TNS3: variants seen among roughly 807,000 people sequenced by gnomAD.
TNS3 encodes the protein tensin 3, also known as tensin-3.
In TNS3, 45 loss-of-function variants were observed where a neutral mutation model predicts 140.9. That is an observed-to-expected ratio of 0.32 (90% CI 0.25 to 0.41). The LOEUF (loss-of-function observed/expected upper bound fraction) is 0.41, where lower values mean the gene tolerates loss of function less well. Ranked by LOEUF, TNS3 falls within the 10% of genes least tolerant of loss-of-function variation. The probability of loss-of-function intolerance (pLI) is 1.00; values close to 1 mark genes in which losing one functional copy is unlikely to be tolerated. For synonymous variants in TNS3, 815 were observed against 788.4 expected (o/e 1.03, Z -0.56); for missense variants, 1,716 against 1,906.7 (o/e 0.90, Z 1.86).
At chr7:47,298,789 G>A (rs994451304) in intron 23 of TNS3, among the ~76,000 whole-genome samples, 1 of 152,352 alleles carries the variant, frequency 6.6e-6, no homozygotes, top group South Asian at 2.1e-4. Flanking sequence ...AGGATGAAAC[G>A]AATGGTTTCT....
chr7:47,554,280 T>C (rs564777860), intron 1 of TNS3, among the ~76,000 whole-genome samples: 1 of 150,876 alleles, frequency 6.6e-6, no homozygotes, highest in South Asian at 2.1e-4. Flanking sequence ...TAGCCAGGCA[T>C]GGTGGCGGGT....
chr7:47,489,359 T>G (rs1797728368), intron 3 of TNS3, among the ~76,000 whole-genome samples: 1 of 152,238 alleles, frequency 6.6e-6, no homozygotes. Context: ...TCCTTGGTCT[T>G]GGCTTGGTCT....
At chr7:47,521,449 G>A (rs1302275848) in intron 2 of TNS3, among the ~76,000 whole-genome samples, 1 of 152,196 alleles carries the variant, frequency 6.6e-6, no homozygotes, top group African/African-American at 2.4e-5. Context: ...GGAGGTGTCT[G>A]CCCTGTGCAC....
chr7:47,476,674 C>G (rs2151765930), intron 4 of TNS3, among the ~76,000 whole-genome samples: 1 of 152,302 alleles, frequency 6.6e-6, no homozygotes, highest in East Asian at 1.9e-4. Context: ...TAGTCTACAC[C>G]CTCCATAATT....
In TNS3 at chr7:47,415,120, C is replaced by T. The variant is rs187456873; in HGVS notation, c.560G>A (p.Gly187Asp). The T allele has an allele frequency of 2.0e-5, 33 of 1,611,630 alleles. No homozygotes were observed. In the East Asian group the frequency reaches 6.5e-4, roughly 32 times the overall value. ...PLFLHFVILH[G>D]TPNFDTGGVC... ...TCCACCTGTGTCGAAGTTGGGGGTG[C>T]CGTGGAGGATGACAAAATGCAGGAA... The change falls in exon 11 of 31, where the codon GGC becomes GAC. Residue 187 changes from glycine to aspartate, a missense_variant. Gly to Asp is a moderately conservative substitution (Grantham distance 94). This residue lies in a region of TNS3 where 337 missense variants were observed against 428.9 expected (regional missense o/e 0.79). Transcript: ENST00000311160.
intron 8 of TNS3, among the ~76,000 whole-genome samples, chr7:47,433,996 C>T (rs949404853): frequency 7.9e-5 from 12 of 152,094 alleles, no homozygotes; most frequent in East Asian, 7.7e-4. Context: ...CAGGTCATCA[C>T]GGACGATTTG....
At chr7:47,476,474 T>G (rs2151765236) in intron 4 of TNS3, among the ~76,000 whole-genome samples, 1 of 152,268 alleles carries the variant, frequency 6.6e-6, no homozygotes, top group South Asian at 2.1e-4. Context: ...TGGTGAAGCA[T>G]TCTCTCTATG....
At chr7:47,304,328 C>T (rs544336952) in intron 21 of TNS3, among the ~76,000 whole-genome samples, 58 of 152,266 alleles carry the variant, frequency 3.8e-4, no homozygotes, top group African/African-American at 1.4e-3. Context: ...AGAGTCTATG[C>T]GTAATGTCCT....
intron 1 of TNS3, among the ~76,000 whole-genome samples, chr7:47,562,447 C>T (rs148185457): frequency 1.1e-4 from 16 of 150,122 alleles, no homozygotes; most frequent in Admixed American, 6.0e-4. Flanking sequence ...AGTGCAATGG[C>T]GCTATCTCGG....
chr7:47,292,697 T>A (rs1785778689), intron 26 of TNS3, 131 bp downstream of exon 26: 3 of 746,218 alleles, frequency 4.0e-6, no homozygotes, highest in Non-Finnish European at 6.4e-6. Flanking sequence ...TTTCTTGGGT[T>A]CAACCAAGAG....
intron 17 of TNS3, among the ~76,000 whole-genome samples, chr7:47,351,744 C>G (rs1378172748): frequency 1.3e-5 from 2 of 152,154 alleles, no homozygotes; most frequent in Non-Finnish European, 2.9e-5. Context: ...CCAAGGAAGG[C>G]CCTAGGGCAC....
intron 16 of TNS3, among the ~76,000 whole-genome samples, chr7:47,381,251 A>G (rs1791740858): frequency 6.6e-6 from 1 of 152,162 alleles, no homozygotes; most frequent in Non-Finnish European, 1.5e-5. Context: ...TTTGCCACAC[A>G]TGCTCCATCT....
At chr7:47,557,226 G>C (rs935466228) in intron 1 of TNS3, 4 of 433,062 alleles carry the variant, frequency 9.2e-6, no homozygotes, top group African/African-American at 4.0e-5. Flanking sequence ...TCCTACGTAA[G>C]GGAGAGGCTG....
chr7:47,530,838 A>AAAAAAATATATATATATATAT, intron 1 of TNS3, among the ~76,000 whole-genome samples: 2 of 54,560 alleles, frequency 3.7e-5, no homozygotes, highest in Non-Finnish European at 6.6e-5. Flanking sequence ...AAAAAAAAAA[A>AAAAAAATATATATATATATAT]ATATATATAT....
At chr7:47,508,761 G>A (rs1022940581) in intron 2 of TNS3, among the ~76,000 whole-genome samples, 9 of 152,210 alleles carry the variant, frequency 5.9e-5, no homozygotes, top group African/African-American at 9.7e-5. Context: ...AAAAGACATC[G>A]TGACTTCTGT....
At chr7:47,329,663 C>G (rs1349287426) in intron 20 of TNS3, among the ~76,000 whole-genome samples, 1 of 152,176 alleles carries the variant, frequency 6.6e-6, no homozygotes, top group African/African-American at 2.4e-5. Context: ...AAATGCCTGA[C>G]CACGGACAGA....
intron 13 of TNS3, among the ~76,000 whole-genome samples, chr7:47,404,429 A>C (rs187702117): frequency 6.6e-6 from 1 of 152,210 alleles, no homozygotes; most frequent in Non-Finnish European, 1.5e-5. Flanking sequence ...TATATTATTT[A>C]AAGGGCATAA....
chr7:47,383,634 C>T (rs918864008), intron 16 of TNS3, among the ~76,000 whole-genome samples: 5 of 152,178 alleles, frequency 3.3e-5, no homozygotes, highest in East Asian at 1.9e-4. Flanking sequence ...TAGAAAGCAA[C>T]GGCAACCAGC....
At chr7:47,574,873 G>A (rs955070333) in intron 1 of TNS3, among the ~76,000 whole-genome samples, 5 of 152,152 alleles carry the variant, frequency 3.3e-5, no homozygotes, top group African/African-American at 1.2e-4. Context: ...AACATGGGGA[G>A]TTAGTGCTTA....
Sources: allele counts gnomAD v4.1 joint callset (sites outside exome capture counted in the v4.1 genomes callset), GRCh38; gene constraint gnomAD v4.1.1; regional missense constraint gnomAD v4.1.1; transcripts MANE v1.5; gene names NCBI Gene and HGNC (gene_info 2026-07-23, HGNC 2026-07-21).